The following PRKAA2 variants were observed in gnomAD, a reference collection of about 807,000 sequenced individuals.
PRKAA2 encodes the protein protein kinase AMP-activated catalytic subunit alpha 2.
In PRKAA2, 40 loss-of-function variants were observed where a neutral mutation model predicts 56.3. That is an observed-to-expected ratio of 0.71 (90% CI 0.55 to 0.92). The LOEUF (loss-of-function observed/expected upper bound fraction) is 0.92. Ranked by LOEUF, PRKAA2 falls within the 40% of genes least tolerant of loss-of-function variation. PRKAA2 has a pLI of 0.00. For missense variants in PRKAA2, 542 were observed against 686.9 expected, an observed-to-expected ratio of 0.79 and a Z score of 2.36; for synonymous variants, 214 against 234.2, an observed-to-expected ratio of 0.91 and a Z score of 0.79.
chr1:56,680,662 T>C (rs1644147006), intron 2 of PRKAA2, among the ~76,000 whole-genome samples: 1 of 152,302 alleles, frequency 6.6e-6, no homozygotes, highest in African/African-American at 2.4e-5. Flanking sequence ...TCCAGCTTCA[T>C]CCATGTCCCT....
At chr1:56,677,644 T>C (rs1450549973) in intron 2 of PRKAA2, among the ~76,000 whole-genome samples, 1 of 138,852 alleles carries the variant, frequency 7.2e-6, no homozygotes, top group East Asian at 2.2e-4. Context: ...ATGAGGATTC[T>C]AAGGCTTCTT....
chr1:56,687,832 T>G (rs1019717008), intron 2 of PRKAA2, among the ~76,000 whole-genome samples: 2 of 152,192 alleles, frequency 1.3e-5, no homozygotes, highest in Non-Finnish European at 2.9e-5. Flanking sequence ...ATTTCTATTT[T>G]TTTTGATTTT....
Position 56,704,495 on chromosome 1 carries a change from TA to T in PRKAA2, c.1293+22del, listed in dbSNP as rs1644318485. On this transcript the variant is annotated intron_variant, in intron 7 of 8. Coordinates refer to ENST00000371244, the MANE Select transcript of PRKAA2 (RefSeq NM_006252.4). Reference sequence around the variant, plus strand: ...TGGAAGGTAGGAAATTATAATGTAATAAGATCATTTGTAGAAGCCATTTTTC... The same window carrying T: ...TGGAAGGTAGGAAATTATAATGTAATAGATCATTTGTAGAAGCCATTTTTC... 1 of 1,557,656 alleles carries T rather than the reference TA, an allele frequency of 6.4e-7. No homozygotes were observed. The highest frequency in any genetic ancestry group is 1.4e-5 in the African/African-American group (1 of 73,228).
intron 1 of PRKAA2, among the ~76,000 whole-genome samples, chr1:56,671,067 C>A (rs951966158): frequency 6.6e-6 from 1 of 152,130 alleles, no homozygotes; most frequent in African/African-American, 2.4e-5. Flanking sequence ...GGCATCCAAG[C>A]CTTTTCTTTT....
chr1:56,708,023 C>T lies in PRKAA2; in HGVS notation c.*310C>T, dbSNP rs1644344428. The T allele has an allele frequency of 3.1e-6, 1 of 326,384 alleles. No individual in the cohort carries two copies. 20.2% of individuals were successfully genotyped at this position (326,384 alleles called of 1,614,324 possible). On this transcript the variant is annotated 3_prime_UTR_variant, in exon 9 of 9. Transcript: ENST00000371244. The stretch of plus-strand genomic sequence containing the variant: ...ACGATTAACACACCACACTGGCGAA[C>T]CATCTCAATGTAAGGGTGGTTTGGC...
intron 5 of PRKAA2, among the ~76,000 whole-genome samples, 165 bp from the exon 6 acceptor site, chr1:56,695,770 C>G (rs909886313): frequency 1.2e-4 from 18 of 151,990 alleles, no homozygotes; most frequent in African/African-American, 4.1e-4. Context: ...CCCCATTACT[C>G]TCTTTGGGGA....
Position 56,692,382 on chromosome 1 carries a change from C to T in PRKAA2, c.355C>T (p.Leu119Phe), listed in dbSNP as rs765092888. 6.2e-7 allele frequency: 1 copy of T among 1,614,042 alleles called. No homozygotes were observed. Among genetic ancestry groups the T allele is most frequent in the East Asian group, 2.2e-5 (1 of 44,866 alleles). ...GGTTGAAGAGATGGAAGCCAGGCGG[C>T]TCTTTCAGCAGATTCTGTCTGCTGT... ...GRVEEMEARR[L>F]FQQILSAVDY... The change falls in exon 4 of 9, where the codon CTC becomes TTC. Residue 119 changes from leucine to phenylalanine, a missense_variant. Leu to Phe is a conservative substitution (Grantham distance 22, BLOSUM62 0). This residue lies in a region of PRKAA2 where 121 missense variants were observed against 210.0 expected (regional missense o/e 0.58). Coordinates refer to ENST00000371244, the MANE Select transcript of PRKAA2 (RefSeq NM_006252.4).
In PRKAA2 at chr1:56,709,412, A is replaced by C. The variant is rs1022641115; in HGVS notation, c.*1699A>C. ...ATCAAGATAAATGAATAGTTCACCAATTTGGGAAGGAGGGCGGGTTGCAAT... is the reference window on the plus strand; with the variant it reads ...ATCAAGATAAATGAATAGTTCACCACTTTGGGAAGGAGGGCGGGTTGCAAT... On this transcript the variant is annotated 3_prime_UTR_variant, in exon 9 of 9. Transcript: ENST00000371244. The C allele has an allele frequency of 6.6e-6, 1 of 152,162 alleles. No homozygotes were observed. The highest frequency in any genetic ancestry group is 6.5e-5 in the Admixed American group (1 of 15,270). 9.4% of individuals were successfully genotyped at this position (152,162 alleles called of 1,614,324 possible). A position where few individuals can be genotyped will look rare whatever the true frequency, so the allele number is the denominator to read the frequency against.
intron 2 of PRKAA2, among the ~76,000 whole-genome samples, chr1:56,686,715 T>C (rs1453202636): frequency 6.6e-6 from 1 of 151,984 alleles, no homozygotes; most frequent in Non-Finnish European, 1.5e-5. Context: ...TGCTAAACCA[T>C]TCATGAGGGA....
In PRKAA2 at chr1:56,671,054, T is replaced by G. The variant is rs146375991; in HGVS notation, c.95-3327T>G. ...GAATAAATGAATGGTAATAAAACTT[T>G]GAGGCATCCAAGCCTTTTCTTTTAA... On this transcript the variant is annotated intron_variant, in intron 1 of 8. Transcript: ENST00000371244. Among the ~76,000 whole-genome samples, 459 of 152,318 alleles carry G rather than the reference T, an allele frequency of 3.0e-3. 1 individual carries two copies. Among genetic ancestry groups the G allele is most frequent in the African/African-American group, 0.011 (443 of 41,580 alleles).
chr1:56,678,820 T>C (rs955665455), intron 2 of PRKAA2, among the ~76,000 whole-genome samples: 15 of 151,868 alleles, frequency 9.9e-5, no homozygotes, highest in Admixed American at 3.9e-4. Flanking sequence ...CTCAGCCTCC[T>C]GAGTAGCTGG....
chr1:56,667,374 A>G (rs571086314), intron 1 of PRKAA2, among the ~76,000 whole-genome samples: 8 of 152,182 alleles, frequency 5.3e-5, no homozygotes, highest in Non-Finnish European at 1.0e-4. Flanking sequence ...CTGGAAGGCT[A>G]TATCTCTAGC....
At position 56,710,223 on chromosome 1, in the gene PRKAA2, C is replaced by T. The variant is rs551552174; in HGVS notation, c.*2510C>T. The stretch of plus-strand genomic sequence containing the variant: ...TCTATTATGAGGTTATAGATAAGGC[C>T]TTAGTTATATCATGGAAATGGACTC... On this transcript the variant is annotated 3_prime_UTR_variant, in exon 9 of 9. Transcript: ENST00000371244. 2.6e-5 allele frequency: 4 copies of T among 152,094 alleles called. No individual in the cohort carries two copies. In the East Asian group the frequency reaches 7.7e-4, roughly 29 times the overall value. The allele number at this position is 152,094 out of a possible 1,614,324, so 9.4% of individuals were successfully genotyped here.
intron 1 of PRKAA2, among the ~76,000 whole-genome samples, chr1:56,665,340 C>T (rs1437272146): frequency 6.6e-6 from 1 of 152,194 alleles, no homozygotes; most frequent in African/African-American, 2.4e-5. Flanking sequence ...TCCCAAAGTA[C>T]TGGGATTACA....
At position 56,707,552 on chromosome 1, in the gene PRKAA2, T is replaced by C; in HGVS notation, c.1498T>C (p.Ser500Pro). The C allele has an allele frequency of 6.2e-7, 1 of 1,614,158 alleles. No individual in the cohort carries two copies. Among genetic ancestry groups the C allele is most frequent in the Non-Finnish European group, 8.5e-7 (1 of 1,180,026 alleles). The change falls in exon 9 of 9, where the codon TCA (serine) becomes CCA (proline). Residue 500 changes from serine (S) to proline (P), a missense_variant. Physicochemically the swap from Ser to Pro is moderately conservative, Grantham distance 74. Transcript: ENST00000371244. ...TGCTGCTGGCTTACACAGACCAAGA[T>C]CAAGTTTTGATTCCACAACTGCAGA... ...CSAAGLHRPRSSFDSTTAESH... is the reference protein window; with the variant it reads ...CSAAGLHRPRPSFDSTTAESH...
chr1:56,706,838 G>A (rs1479173410), intron 8 of PRKAA2, among the ~76,000 whole-genome samples: 1 of 152,186 alleles, frequency 6.6e-6, no homozygotes, highest in Non-Finnish European at 1.5e-5. Context: ...AGAATGGAAC[G>A]GAGTTTAGAG....
chr1:56,684,286 G>A (rs1243427261), intron 2 of PRKAA2, among the ~76,000 whole-genome samples: 1 of 152,070 alleles, frequency 6.6e-6, no homozygotes, highest in Non-Finnish European at 1.5e-5. Context: ...GTTTTATGAA[G>A]TTGAAATGCT....
Position 56,675,589 on chromosome 1 carries a change from T to C in PRKAA2, c.236+1067T>C, listed in dbSNP as rs137930480. Among the ~76,000 whole-genome samples the C allele has an allele frequency of 1.3e-3, 193 of 152,288 alleles. 1 individual carries two copies. Among genetic ancestry groups the C allele is most frequent in the South Asian group, 8.3e-3 (40 of 4,828 alleles). On this transcript the variant is annotated intron_variant, in intron 2 of 8. Coordinates refer to ENST00000371244, the MANE Select transcript of PRKAA2 (RefSeq NM_006252.4). The stretch of plus-strand genomic sequence containing the variant: ...CCAGCATTCCAGTTTTTCTTAAAAC[T>C]GAGAGTTATATAAATTCCTTTTAAA...
At chr1:56,699,708 A>C (rs147374631) in intron 6 of PRKAA2, among the ~76,000 whole-genome samples, 1 of 152,174 alleles carries the variant, frequency 6.6e-6, no homozygotes, top group Non-Finnish European at 1.5e-5. Flanking sequence ...TAATTCCAGA[A>C]CTATTTTATC....
Sources: gnomAD v4.1 joint callset for allele counts (sites outside exome capture counted in the v4.1 genomes callset) on GRCh38, gnomAD v4.1.1 for gene constraint, gnomAD v4.1.1 regional missense constraint, MANE v1.5 for transcripts, NCBI Gene and HGNC (gene_info 2026-07-23, HGNC 2026-07-21) for gene names.